Variants in PDXDC1 observed in about 807,000 individuals in gnomAD.
The protein encoded by PDXDC1 is pyridoxal dependent decarboxylase domain containing 1.
PDXDC1 carries 42 observed loss-of-function variants against 100.1 expected under a neutral mutation model. The ratio of observed to expected loss-of-function variants is 0.42; its 90% CI spans 0.33 to 0.54. The LOEUF (loss-of-function observed/expected upper bound fraction) is 0.54, where lower values mean the gene tolerates loss of function less well. Ranked by LOEUF, PDXDC1 falls within the 20% of genes least tolerant of loss-of-function variation. The pLI is 0.10. For synonymous variants in PDXDC1, 260 were observed against 371.7 expected (o/e 0.70, Z 3.46); for missense variants, 636 against 979.2 (o/e 0.65, Z 4.68).
At chr16:15,072,854 A>G in intron 16 of PDXDC1, 3 of 1,235,348 alleles carry the variant, frequency 2.4e-6, no homozygotes, top group Non-Finnish European at 3.4e-6. Context: ...GAAAAGAATT[A>G]TTTACTTCAT....
chr16:15,006,306 G>A, intron 5 of PDXDC1, 88 bp from the exon 6 acceptor site: 1 of 1,276,808 alleles, frequency 7.8e-7, no homozygotes, highest in East Asian at 2.5e-5. Context: ...TTCCTAGCTT[G>A]AGAAAAGAAT....
At chr16:15,080,210 A>T (rs2045640913) in intron 16 of PDXDC1, 2 of 1,333,000 alleles carry the variant, frequency 1.5e-6, no homozygotes, top group Admixed American at 3.2e-5. Context: ...AAAGAAAAAA[A>T]CAGACTATCC....
At chr16:15,144,932 G>A in the PDXDC1 span, among the ~76,000 whole-genome samples, 458 of 152,286 alleles carry the variant, frequency 3.0e-3, 2 homozygotes, top group Non-Finnish European at 4.9e-3. Flanking sequence ...AGGGGAGAAT[G>A]AGGGCCGGCT....
intron 16 of PDXDC1, among the ~76,000 whole-genome samples, chr16:15,053,743 T>C (rs1296563276): frequency 6.6e-6 from 1 of 152,054 alleles, no homozygotes; most frequent in Non-Finnish European, 1.5e-5. Flanking sequence ...AAAACCCGTC[T>C]CTACTAAAAA....
intron 1 of PDXDC1, chr16:14,975,441 G>C: frequency 4.1e-6 from 4 of 985,256 alleles, no homozygotes; most frequent in Non-Finnish European, 4.8e-6. Flanking sequence ...GGCTGGGCGG[G>C]GTTCGGTGGG....
intron 16 of PDXDC1, chr16:15,133,101 G>A: frequency 1.6e-6 from 1 of 617,862 alleles, no homozygotes; most frequent in Non-Finnish European, 2.8e-6. Context: ...GGCCCGGTGG[G>A]TGTGGCTGCT....
chr16:15,032,821 A>G (rs776331074), intron 17 of PDXDC1, 40 bp from the exon 18 acceptor site: 1 of 1,098,168 alleles, frequency 9.1e-7, no homozygotes, highest in Non-Finnish European at 1.4e-6. Context: ...GAGACATTTG[A>G]TCTTTTAAGC....
intron 16 of PDXDC1, among the ~76,000 whole-genome samples, chr16:15,111,982 T>C (rs1385623005): frequency 6.8e-6 from 1 of 147,786 alleles, no homozygotes; most frequent in East Asian, 1.9e-4. Flanking sequence ...GCATCTTTCT[T>C]CTGTCCCTGC....
intron 16 of PDXDC1, chr16:15,130,822 C>CCT: frequency 1.2e-6 from 1 of 833,810 alleles, no homozygotes; most frequent in Admixed American, 2.2e-5. Context: ...CACACGCCTG[C>CCT]TGGGAAGCTC....
intron 16 of PDXDC1, among the ~76,000 whole-genome samples, chr16:15,058,598 G>A (rs758576381): frequency 1.6e-4 from 25 of 151,854 alleles, no homozygotes; most frequent in Non-Finnish European, 2.6e-4. Flanking sequence ...ATGGTGGTGC[G>A]TACCTGTAGT....
chr16:15,144,533 C>G, the PDXDC1 span, among the ~76,000 whole-genome samples: 1 of 152,162 alleles, frequency 6.6e-6, no homozygotes, highest in Admixed American at 6.5e-5. Context: ...GGCTGCCAGG[C>G]CCCAGGCAAC....
chr16:15,122,548 C>A (rs2047475429), intron 16 of PDXDC1, among the ~76,000 whole-genome samples: 1 of 146,774 alleles, frequency 6.8e-6, no homozygotes, highest in Non-Finnish European at 1.5e-5. Context: ...AGGAAGAAAC[C>A]CCGCGGGTCC....
In PDXDC1 at chr16:14,975,054, G is replaced by A. The variant is rs555383362; in HGVS notation, c.-146G>A. On this transcript the variant is annotated 5_prime_UTR_variant, in exon 1 of 23. Transcript: ENST00000396410. ...TCAACCATCAGGTTCGGCAGCCCGC[G>A]GCGCCGCCTGGCAGCTCCTCCTCTT... 1.4e-4 allele frequency: 205 copies of A among 1,513,202 alleles called. 4 individuals carry two copies. The South Asian group carries it at 2.4e-3, about 18-fold the overall frequency. The allele number at this position is 1,513,202 out of a possible 1,614,324, so 93.7% of individuals were successfully genotyped here.
chr16:15,003,902 T>C (rs1973717049), intron 4 of PDXDC1, among the ~76,000 whole-genome samples: 1 of 152,258 alleles, frequency 6.6e-6, no homozygotes, highest in Non-Finnish European at 1.5e-5. Context: ...GAGAATCACG[T>C]GAACCCAGGA....
At chr16:15,047,575 C>G (rs768221497) in intron 16 of PDXDC1, 6 of 1,521,686 alleles carry the variant, frequency 3.9e-6, no homozygotes, top group Non-Finnish European at 5.5e-6. Flanking sequence ...TGAAAGGACT[C>G]AAGTTATTCC....
At chr16:15,020,387 T>G (rs1323613349) in intron 12 of PDXDC1, among the ~76,000 whole-genome samples, 1 of 152,272 alleles carries the variant, frequency 6.6e-6, no homozygotes, top group African/African-American at 2.4e-5. Flanking sequence ...AAGTATCATT[T>G]CTATATTTAA....
At chr16:15,074,597 T>C (rs1206127467) in intron 16 of PDXDC1, 25 of 660,310 alleles carry the variant, frequency 3.8e-5, no homozygotes, top group Non-Finnish European at 5.9e-5. Context: ...TAAATCATCT[T>C]AAACTCATAC....
intron 16 of PDXDC1, among the ~76,000 whole-genome samples, chr16:15,087,004 G>A (rs1295229415): frequency 1.3e-5 from 2 of 152,066 alleles, no homozygotes; most frequent in East Asian, 3.9e-4. Context: ...TATTTTTCGG[G>A]CAATCAAATT....
intron 16 of PDXDC1, among the ~76,000 whole-genome samples, chr16:15,129,620 C>A (rs1463780878): frequency 6.6e-6 from 1 of 152,230 alleles, no homozygotes; most frequent in Non-Finnish European, 1.5e-5. Flanking sequence ...ATGCTCATGT[C>A]ACTTGTGGGG....
Sources: gnomAD v4.1 joint callset for allele counts (sites outside exome capture counted in the v4.1 genomes callset) on GRCh38, gnomAD v4.1.1 for gene constraint, MANE v1.5 for transcripts, NCBI Gene and HGNC (gene_info 2026-07-23, HGNC 2026-07-21) for gene names.